Variants in ZNF600 observed in about 807,000 individuals in gnomAD.
The protein encoded by ZNF600 is zinc finger protein KR-ZNF1.
In ZNF600, 4 loss-of-function variants were observed where a neutral mutation model predicts 7.3. That is an observed-to-expected ratio of 0.55 (90% CI 0.27 to 1.25). ZNF600 has a LOEUF of 1.25. ZNF600 is among the 50% of genes most tolerant of loss of function. ZNF600 has a pLI of 0.12. For missense variants in ZNF600, 911 were observed against 922.1 expected, an observed-to-expected ratio of 0.99 and a Z score of 0.16; for synonymous variants, 290 against 308.9, an observed-to-expected ratio of 0.94 and a Z score of 0.64.
At chr19:52,778,786 G>A in intron 2 of ZNF600, 40 bp downstream of exon 4, 3 of 1,574,440 alleles carry the variant, frequency 1.9e-6, no homozygotes, top group Non-Finnish European at 2.6e-6. Context: ...ATTTCAGAAA[G>A]GAAAGAGACA....
chr19:52,797,342 A>G, the ZNF600 span: 1 of 152,266 alleles, frequency 6.6e-6, no homozygotes, highest in African/African-American at 2.4e-5. Flanking sequence ...CACCCTTTCT[A>G]TTCAATCAAT....
At chr19:52,794,075 C>G in the ZNF600 span, among the ~76,000 whole-genome samples, 18 of 151,904 alleles carry the variant, frequency 1.2e-4, no homozygotes, top group African/African-American at 3.4e-4. Context: ...CAGCAGAGAG[C>G]TGAGGAGACA....
At chr19:52,817,905 G>C in the ZNF600 span, 2 of 1,608,966 alleles carry the variant, frequency 1.2e-6, no homozygotes, top group Non-Finnish European at 1.7e-6. Context: ...GTTTCTGAAA[G>C]GAAGGAGACA....
chr19:52,783,577 G>T (rs944999058), intron 1 of ZNF600, among the ~76,000 whole-genome samples: 9 of 152,066 alleles, frequency 5.9e-5, no homozygotes, highest in Non-Finnish European at 1.3e-4. Flanking sequence ...TAGCCAGGAC[G>T]GTCTCAATCT....
chr19:52,777,317 C>T (rs975289677), intron 2 of ZNF600, among the ~76,000 whole-genome samples: 5 of 152,030 alleles, frequency 3.3e-5, no homozygotes, highest in Non-Finnish European at 5.9e-5. Flanking sequence ...GGCAGAGGGG[C>T]AGGGAGCTGA....
chr19:52,798,975 G>C, the ZNF600 span: 54 of 1,186,458 alleles, frequency 4.6e-5, no homozygotes, highest in Non-Finnish European at 5.7e-5. Flanking sequence ...TGGTGTGCCA[G>C]GTGTGAATCA....
chr19:52,783,596 A>C (rs868741677), intron 1 of ZNF600, among the ~76,000 whole-genome samples: 101 of 152,194 alleles, frequency 6.6e-4, no homozygotes, highest in African/African-American at 2.3e-3. Context: ...CTCCTGACCT[A>C]GTGATCCGCC....
upstream of ZNF600, among the ~76,000 whole-genome samples, chr19:52,790,101 G>C (rs569834041): frequency 6.6e-6 from 1 of 152,290 alleles, no homozygotes; most frequent in Non-Finnish European, 1.5e-5. Flanking sequence ...AATGTCATCA[G>C]TTAAGGTGGG....
the ZNF600 span, among the ~76,000 whole-genome samples, chr19:52,811,125 C>G: frequency 2.0e-5 from 3 of 150,782 alleles, no homozygotes; most frequent in African/African-American, 7.3e-5. Flanking sequence ...AGCTCCTAAC[C>G]ACGAGTGATC....
chr19:52,787,703 C>CA (rs375786396), upstream of ZNF600, among the ~76,000 whole-genome samples: 578 of 150,298 alleles, frequency 3.8e-3, 7 homozygotes, highest in African/African-American at 0.013. Flanking sequence ...CTAAAAAATA[C>CA]AAAAAAATTA....
At chr19:52,830,564 G>T in the ZNF600 span, among the ~76,000 whole-genome samples, 1 of 152,040 alleles carries the variant, frequency 6.6e-6, no homozygotes, top group Non-Finnish European at 1.5e-5. Flanking sequence ...GCTGAGCTGC[G>T]CTGCTGACAG....
chr19:52,798,948 C>T, the ZNF600 span: 1 of 1,404,870 alleles, frequency 7.1e-7, no homozygotes. Context: ...GGTTTCTCTC[C>T]AGTGTGAATT....
At chr19:52,780,269 G>A (rs2062709591) in intron 1 of ZNF600, among the ~76,000 whole-genome samples, 3 of 152,280 alleles carry the variant, frequency 2.0e-5, no homozygotes, top group Middle Eastern at 3.4e-3. Context: ...AGATTTTCTG[G>A]TTTCACAGCT....
exon 4 of ZNF600, chr19:52,766,496 C>G: frequency 6.2e-7 from 1 of 1,613,474 alleles, no homozygotes; most frequent in Non-Finnish European, 8.5e-7. Context: ...CAAAGGTCTT[C>G]CCACATTCAT....
At chr19:52,817,215 A>T in the ZNF600 span, among the ~76,000 whole-genome samples, 3 of 152,086 alleles carry the variant, frequency 2.0e-5, no homozygotes, top group Admixed American at 2.0e-4. Context: ...TCTACTAAAA[A>T]TACAAAATTA....
At chr19:52,831,536 T>C in the ZNF600 span, among the ~76,000 whole-genome samples, 1 of 151,774 alleles carries the variant, frequency 6.6e-6, no homozygotes. Context: ...AGAGTCTTGG[T>C]CTGTCTCCCA....
At chr19:52,811,007 AGCCTGCCGAGT>A in the ZNF600 span, among the ~76,000 whole-genome samples, 6 of 138,452 alleles carry the variant, frequency 4.3e-5, no homozygotes, top group Middle Eastern at 3.5e-3. Context: ...CTCCTGCCTC[AGCCTGCCGAGT>A]GCCTGCGATT....
rs143289940 is a variant in ZNF600 at position 52,782,611 on chromosome 19, C to T, written c.-19-3704G>A. On this transcript the variant is annotated intron_variant, in intron 1 of 3. Transcript: ENST00000648973. ...TAATGAGGCCCAGTGTGATGGCTCA[C>T]GCCTGTAATCCCAACACTTCGGGAG... Among the ~76,000 whole-genome samples the T allele has an allele frequency of 2.3e-3, 356 of 152,054 alleles. 4 individuals carry two copies. Among genetic ancestry groups the T allele is most frequent in the African/African-American group, 7.8e-3 (323 of 41,486 alleles).
At chr19:52,768,519 G>A (rs1489225798) in intron 3 of ZNF600, among the ~76,000 whole-genome samples, 1 of 151,482 alleles carries the variant, frequency 6.6e-6, no homozygotes, top group Non-Finnish European at 1.5e-5. Context: ...TATCCACACA[G>A]GACAGGCACT....
Sources: gnomAD v4.1 joint callset for allele counts (sites outside exome capture counted in the v4.1 genomes callset) on GRCh38, gnomAD v4.1.1 for gene constraint, MANE v1.5 for transcripts, NCBI Gene and HGNC (gene_info 2026-07-23, HGNC 2026-07-21) for gene names.